Variants in CREB5 observed in about 807,000 individuals in gnomAD.
CREB5 encodes the protein cyclic AMP-responsive element-binding protein 5.
In CREB5, 19 loss-of-function variants were observed where a neutral mutation model predicts 57.1. That is an observed-to-expected ratio of 0.33 (90% CI 0.23 to 0.49). The LOEUF (loss-of-function observed/expected upper bound fraction) is 0.49, where lower values mean the gene tolerates loss of function less well. Ranked by LOEUF, CREB5 falls within the 20% of genes least tolerant of loss-of-function variation. The probability of loss-of-function intolerance (pLI) is 0.99; values close to 1 mark genes in which losing one functional copy is unlikely to be tolerated. For missense variants in CREB5, 579 were observed against 671.6 expected (o/e 0.86, Z 1.52); for synonymous variants, 238 against 238.3 (o/e 1.00, Z 0.01).
intron 1 of CREB5, among the ~76,000 whole-genome samples, chr7:28,332,562 A>G (rs1785737230): frequency 6.6e-6 from 1 of 152,180 alleles, no homozygotes; most frequent in Non-Finnish European, 1.5e-5. Flanking sequence ...TGAAGATTAC[A>G]ACCCTGTACA....
intron 1 of CREB5, among the ~76,000 whole-genome samples, chr7:28,400,985 T>C (rs1364785036): frequency 1.3e-5 from 2 of 152,226 alleles, no homozygotes; most frequent in Non-Finnish European, 2.9e-5. Context: ...AACCATTACT[T>C]TCCACTTACC....
chr7:28,791,339 C>T (rs1231115716), intron 7 of CREB5, among the ~76,000 whole-genome samples: 6 of 152,174 alleles, frequency 3.9e-5, no homozygotes, highest in Non-Finnish European at 7.4e-5. Context: ...GCTACTCTCG[C>T]GCATCTTCCT....
chr7:28,753,395 C>CAT (rs1805096472), intron 7 of CREB5, among the ~76,000 whole-genome samples: 1 of 152,154 alleles, frequency 6.6e-6, no homozygotes, highest in South Asian at 2.1e-4. Context: ...CACACACACA[C>CAT]TCACACACTC....
At chr7:28,399,363 C>T (rs1469046415) in intron 1 of CREB5, among the ~76,000 whole-genome samples, 3 of 149,572 alleles carry the variant, frequency 2.0e-5, no homozygotes, top group African/African-American at 7.4e-5. Context: ...AGAACAAAGC[C>T]AGAAACATCA....
At chr7:28,503,470 G>T (rs752045140) in intron 3 of CREB5, among the ~76,000 whole-genome samples, 23 of 152,074 alleles carry the variant, frequency 1.5e-4, no homozygotes, top group Non-Finnish European at 2.6e-4. Flanking sequence ...CATCATCAGT[G>T]GGAATTGAGT....
At chr7:28,472,713 A>G (rs981314493) in intron 1 of CREB5, among the ~76,000 whole-genome samples, 7 of 152,220 alleles carry the variant, frequency 4.6e-5, no homozygotes, top group African/African-American at 1.7e-4. Flanking sequence ...GTGAATTACT[A>G]GGACCCTCAC....
intron 7 of CREB5, among the ~76,000 whole-genome samples, chr7:28,725,450 C>A (rs537434271): frequency 7.4e-4 from 112 of 152,152 alleles, no homozygotes; most frequent in Non-Finnish European, 1.4e-3. Flanking sequence ...TGAGAGAGTT[C>A]TCTTTGCTGT....
chr7:28,573,114 A>G (rs367870411), intron 5 of CREB5, among the ~76,000 whole-genome samples: 1 of 152,156 alleles, frequency 6.6e-6, no homozygotes, highest in Non-Finnish European at 1.5e-5. Context: ...TCACCAGTGG[A>G]TTCAGTATGA....
At chr7:28,474,147 T>A (rs1323938327) in intron 1 of CREB5, among the ~76,000 whole-genome samples, 1 of 152,210 alleles carries the variant, frequency 6.6e-6, no homozygotes, top group Non-Finnish European at 1.5e-5. Flanking sequence ...GGGGAAGTTT[T>A]CTCTTAAGCT....
intron 5 of CREB5, among the ~76,000 whole-genome samples, chr7:28,601,255 G>T (rs1254315557): frequency 6.6e-6 from 1 of 151,838 alleles, no homozygotes; most frequent in Non-Finnish European, 1.5e-5. Context: ...AAGGGGATTT[G>T]TTCTACAGAC....
intron 5 of CREB5, among the ~76,000 whole-genome samples, chr7:28,650,879 T>C (rs42322): frequency 0.53 from 80,500 of 151,972 alleles, 24,395 homozygotes; most frequent in African/African-American, 0.84. Flanking sequence ...GCATATTGGA[T>C]GAAAGTTTTC....
intron 5 of CREB5, among the ~76,000 whole-genome samples, chr7:28,679,295 T>A (rs191680518): frequency 1.3e-5 from 2 of 152,316 alleles, no homozygotes; most frequent in Non-Finnish European, 2.9e-5. Context: ...CATGAACTGC[T>A]TTTCCAGATA....
At chr7:28,736,804 C>T (rs1804005256) in intron 7 of CREB5, among the ~76,000 whole-genome samples, 1 of 147,734 alleles carries the variant, frequency 6.8e-6, no homozygotes, top group Non-Finnish European at 1.5e-5. Context: ...CAGCTATGTA[C>T]TTAGGCTCTC....
chr7:28,695,580 C>T (rs1334600808), intron 5 of CREB5, among the ~76,000 whole-genome samples: 1 of 152,184 alleles, frequency 6.6e-6, no homozygotes, highest in Non-Finnish European at 1.5e-5. Context: ...GCCATCAGCC[C>T]CACTGGGGTC....
At chr7:28,583,224 C>CT (rs1008684252) in intron 5 of CREB5, among the ~76,000 whole-genome samples, 1 of 152,140 alleles carries the variant, frequency 6.6e-6, no homozygotes, top group Non-Finnish European at 1.5e-5. Context: ...TTGGAAGATG[C>CT]TTTTTTCTCT....
chr7:28,716,097 A>T (rs942584009), intron 5 of CREB5, among the ~76,000 whole-genome samples: 1 of 152,124 alleles, frequency 6.6e-6, no homozygotes, highest in South Asian at 2.1e-4. Flanking sequence ...TTGCATCCCC[A>T]TTCGCGTAAC....
chr7:28,707,352 C>G (rs1437203336), intron 5 of CREB5, among the ~76,000 whole-genome samples: 3 of 152,204 alleles, frequency 2.0e-5, no homozygotes, highest in African/African-American at 4.8e-5. Context: ...CATGCCATAC[C>G]TGTGACATGG....
chr7:28,382,423 T>A (rs887621), intron 1 of CREB5, among the ~76,000 whole-genome samples: 10,539 of 149,362 alleles, frequency 0.071, 965 homozygotes, highest in African/African-American at 0.21. Context: ...TGAGAATAAT[T>A]AATGCAATGA....
intron 1 of CREB5, among the ~76,000 whole-genome samples, chr7:28,350,492 T>C (rs1441616426): frequency 2.0e-5 from 3 of 151,972 alleles, no homozygotes; most frequent in East Asian, 1.9e-4. Context: ...AGCCAATTAC[T>C]ATACCTGTTT....
Sources: allele counts gnomAD v4.1 joint callset (sites outside exome capture counted in the v4.1 genomes callset), GRCh38; gene constraint gnomAD v4.1.1; transcripts MANE v1.5; gene names NCBI Gene and HGNC (gene_info 2026-07-23, HGNC 2026-07-21).